RC3H2: variants seen among roughly 807,000 people sequenced by gnomAD.
RC3H2 encodes ring finger and CCCH-type domains 2.
RC3H2 carries 31 observed loss-of-function variants against 133.3 expected under a neutral mutation model. The ratio of observed to expected loss-of-function variants is 0.23; its 90% CI spans 0.17 to 0.31. The LOEUF (loss-of-function observed/expected upper bound fraction) is 0.31, where lower values mean the gene tolerates loss of function less well. RC3H2 is among the 10% of genes least tolerant of loss of function. RC3H2 has a pLI of 1.00. For missense variants in RC3H2, 1,175 were observed against 1,437.2 expected (o/e 0.82, Z 2.95); for synonymous variants, 517 against 502.2 (o/e 1.03, Z -0.40).
At chr9:122,883,445 G>A (rs757664418) in intron 4 of RC3H2, 66 bp from the exon 5 acceptor site, 28 of 1,289,438 alleles carry the variant, frequency 2.2e-5, no homozygotes, top group Non-Finnish European at 3.0e-5. Flanking sequence ...GTGTGTCATA[G>A]GCATCTTTGG....
At chr9:122,856,619 C>A (rs1158324892) in intron 13 of RC3H2, among the ~76,000 whole-genome samples, 1 of 152,028 alleles carries the variant, frequency 6.6e-6, no homozygotes, top group African/African-American at 2.4e-5. Context: ...ATAAATTATG[C>A]AGTATCAAAG....
chr9:122,853,002 T>A (rs1830109951), intron 18 of RC3H2, among the ~76,000 whole-genome samples: 1 of 152,146 alleles, frequency 6.6e-6, no homozygotes, highest in Non-Finnish European at 1.5e-5. Flanking sequence ...TAGAAAGAAG[T>A]AGACATGGGA....
chr9:122,876,497 G>A (rs1045475584), intron 9 of RC3H2, among the ~76,000 whole-genome samples: 1 of 151,896 alleles, frequency 6.6e-6, no homozygotes, highest in African/African-American at 2.4e-5. Flanking sequence ...GCATGGTGGT[G>A]GGCGCCTGTG....
chr9:122,890,243 G>T, intron 4 of RC3H2, 69 bp downstream of exon 4: 2 of 1,114,308 alleles, frequency 1.8e-6, no homozygotes, highest in Non-Finnish European at 2.7e-6. Flanking sequence ...AGGATTCACC[G>T]AGCTCCAGAA....
chr9:122,880,523 T>A, intron 6 of RC3H2, 71 bp downstream of exon 6: 4 of 1,191,396 alleles, frequency 3.4e-6, no homozygotes, highest in Non-Finnish European at 5.0e-6. Context: ...GTGTATAGAC[T>A]CTTTAGAATA....
chr9:122,849,828 A>G lies in RC3H2; in HGVS notation c.3381-6T>C. 1 of 1,554,626 alleles carries G rather than the reference A, an allele frequency of 6.4e-7. No individual in the cohort carries two copies. Among genetic ancestry groups the G allele is most frequent in the Non-Finnish European group, 8.7e-7 (1 of 1,154,744 alleles). On this transcript the variant is annotated splice_polypyrimidine_tract_variant and splice_region_variant and intron_variant, in intron 20 of 20. Transcript: ENST00000357244. ...GAATTGTTTTTTGCTCCTCCCTGAG[A>G]AAAAAGAAATGACATTAAAAACAAA...
intron 4 of RC3H2, among the ~76,000 whole-genome samples, chr9:122,887,786 C>T (rs1377124847): frequency 6.8e-6 from 1 of 147,988 alleles, no homozygotes; most frequent in Non-Finnish European, 1.5e-5. Flanking sequence ...GCTCTTTCAC[C>T]CAGGCTAAAG....
chr9:122,880,067 C>T lies in RC3H2; in HGVS notation c.1019G>A (p.Arg340Gln), dbSNP rs755487340. Residue 340 changes from arginine (R) to glutamine (Q), a missense_variant, in exon 7 of 21, where the codon CGA becomes CAA. Physicochemically the swap from Arg to Gln is conservative, Grantham distance 43. Around this residue, in one of 8 missense-constraint regions of RC3H2, gnomAD observed 131 missense variants for 154.2 expected, o/e 0.85. Coordinates refer to ENST00000357244, the MANE Select transcript of RC3H2 (RefSeq NM_001100588.3). ...ATTTAAGTTAGCTGGGTCACCTGTT[C>T]GTTGCAAAACAATTGTCAATTCCTG... ...SVQELTIVLQ[R>Q]TGDPANLNRL... 1.2e-6 allele frequency: 2 copies of T among 1,614,096 alleles called. No individual in the cohort carries two copies. Among genetic ancestry groups the T allele is most frequent in the South Asian group, 1.1e-5 (1 of 91,082 alleles).
At position 122,860,258 on chromosome 9, in the gene RC3H2, T is replaced by C. The variant is rs918124569; in HGVS notation, c.1635-127A>G. On this transcript the variant is annotated intron_variant, in intron 10 of 20. Transcript: ENST00000357244. ...GAAAACACTTCAGACATTGCCACAT[T>C]GACAAATAAGGCAATGAATTTCACT... The C allele has an allele frequency of 1.6e-5, 11 of 682,038 alleles. No homozygotes were observed. The African/African-American group carries it at 2.0e-4, about 12-fold the overall frequency. 42.2% of individuals were successfully genotyped at this position (682,038 alleles called of 1,614,324 possible).
At chr9:122,879,967 A>T in intron 7 of RC3H2, 26 bp downstream of exon 7, 2 of 1,612,574 alleles carry the variant, frequency 1.2e-6, no homozygotes, top group Non-Finnish European at 1.7e-6. Flanking sequence ...AAAAAAATAT[A>T]AGCAACTGAG....
rs1475241643 is a variant in RC3H2, at chr9:122,855,855, T to C, written c.2478A>G (p.Thr826=). ...RADFSESVSG[T]KFEEDHLSHY... ...GGGAAAGATGATCTTCTTCAAATTT[T>C]GTACCACTCACACTCTCTGAGAACT... The change falls in exon 14 of 21, where the codon ACA becomes ACG. Residue 826 remains threonine, a synonymous_variant. Transcript: ENST00000357244. 1 of 1,613,484 alleles carries C rather than the reference T, an allele frequency of 6.2e-7. No homozygotes were observed.
intron 10 of RC3H2, 34 bp downstream of exon 10, chr9:122,865,315 G>T: frequency 1.9e-6 from 3 of 1,539,610 alleles, no homozygotes; most frequent in Non-Finnish European, 2.6e-6. Context: ...AAAGGAAAAA[G>T]AATTTCCAGT....
At position 122,859,070 on chromosome 9, in the gene RC3H2, C is replaced by T. The variant is rs1830359077; in HGVS notation, c.1882G>A (p.Gly628Ser). The change falls in exon 12 of 21, where the codon GGT becomes AGT. Residue 628 changes from glycine to serine, a missense_variant. Around this residue, in one of 8 missense-constraint regions of RC3H2, gnomAD observed 490 missense variants for 492.8 expected, o/e 0.99. Transcript: ENST00000357244. The part of the protein sequence containing the change: ...YYPPPPTVPA[G>S]VAPCVPRFVR... ...AAGCGAGGAACACAGGGAGCCACAC[C>T]AGCTGGTACCGTTGGAGGTGGTGGA... 6.3e-7 allele frequency: 1 copy of T among 1,595,246 alleles called. No individual in the cohort carries two copies. The highest frequency in any genetic ancestry group is 8.6e-7 in the Non-Finnish European group (1 of 1,168,030).
Position 122,858,987 on chromosome 9 carries a change from G to C in RC3H2, c.1965C>G (p.Ala655=), listed in dbSNP as rs750527318. ...GAGGGGAAAATGTACTGTAATGATC[G>C]GCATATGGCATGGAAGCAGGTGGGA... ...SSLPPASMPY[A]DHYSTFSPRD... Residue 655 remains alanine (A), a synonymous_variant, in exon 12 of 21, where the codon GCC becomes GCG. Transcript: ENST00000357244. 1.2e-5 allele frequency: 19 copies of C among 1,614,062 alleles called. No individual in the cohort carries two copies. The highest frequency in any genetic ancestry group is 1.6e-5 in the Non-Finnish European group (19 of 1,179,942).
At position 122,864,603 on chromosome 9, in the gene RC3H2, T is replaced by C. The variant is rs547233868; in HGVS notation, c.1634+746A>G. Among the ~76,000 whole-genome samples the C allele has an allele frequency of 2.7e-5, 4 of 150,820 alleles. No homozygotes were observed. In the South Asian group the frequency reaches 8.4e-4, roughly 32 times the overall value. The stretch of plus-strand genomic sequence containing the variant: ...AGCCAGAACTTGAAAGCCCAGAGAG[T>C]GTGGCTCCAAAGAGTCCCCTCCTTT... On this transcript the variant is annotated intron_variant, in intron 10 of 20. Coordinates refer to ENST00000357244, the MANE Select transcript of RC3H2 (RefSeq NM_001100588.3).
rs1830317666 is a variant in RC3H2 at position 122,858,039 on chromosome 9, C to G, written c.2338G>C (p.Asp780His). Residue 780 changes from aspartate (D) to histidine (H), a missense_variant, in exon 13 of 21, where the codon GAT (aspartate) becomes CAT (histidine). Coordinates refer to ENST00000357244, the MANE Select transcript of RC3H2 (RefSeq NM_001100588.3). ...SCEEQIRRKP[D>H]QWAQYHTQKA... is the part of the protein sequence containing the mutation. ...TGAGTGTGGTACTGTGCCCACTGAT[C>G]TGGCTTTCTTCTTATCTGCTCCTCG... The G allele has an allele frequency of 1.9e-6, 3 of 1,614,114 alleles. No individual in the cohort carries two copies. Among genetic ancestry groups the G allele is most frequent in the South Asian group, 1.1e-5 (1 of 91,094 alleles).
chr9:122,887,972 T>C (rs1255702368), intron 4 of RC3H2, among the ~76,000 whole-genome samples: 7 of 152,114 alleles, frequency 4.6e-5, no homozygotes, highest in Non-Finnish European at 7.4e-5. Context: ...CTTGAACTCC[T>C]GACCTCAGGT....
chr9:122,851,486 G>C, intron 18 of RC3H2, 50 bp from the exon 19 acceptor site: 7 of 1,580,776 alleles, frequency 4.4e-6, no homozygotes, highest in Non-Finnish European at 6.0e-6. Flanking sequence ...CTCTCCCCAT[G>C]GTCTCCCTCT....
chr9:122,880,497 G>C (rs1655839090), intron 6 of RC3H2, 97 bp downstream of exon 6: 14 of 939,300 alleles, frequency 1.5e-5, no homozygotes, highest in Non-Finnish European at 1.9e-5. Context: ...AAAAACATAG[G>C]AATCTCCAAC....
Sources: gnomAD v4.1 joint callset for allele counts (sites outside exome capture counted in the v4.1 genomes callset) on GRCh38, gnomAD v4.1.1 for gene constraint, gnomAD v4.1.1 regional missense constraint, MANE v1.5 for transcripts, NCBI Gene and HGNC (gene_info 2026-07-23, HGNC 2026-07-21) for gene names.